ZBTB20: variants seen among roughly 807,000 people sequenced by gnomAD.
The protein encoded by ZBTB20 is zinc finger and BTB domain containing 20.
A neutral mutation model predicts 56.9 loss-of-function variants in ZBTB20; 9 were observed. That is an observed-to-expected ratio of 0.16 (90% confidence interval 0.10 to 0.28). The LOEUF (loss-of-function observed/expected upper bound fraction) is 0.28, where lower values mean the gene tolerates loss of function less well. ZBTB20 is among the 10% of genes least tolerant of loss of function. The pLI, the probability that ZBTB20 is intolerant of heterozygous loss-of-function variation, is 1.00. For synonymous variants in ZBTB20, 417 were observed against 420.7 expected, an observed-to-expected ratio of 0.99 and a Z score of 0.11; for missense variants, 655 against 1,003.0, an observed-to-expected ratio of 0.65 and a Z score of 4.69.
At chr3:114,438,682 G>A (rs761504195) in intron 7 of ZBTB20, among the ~76,000 whole-genome samples, 2 of 152,068 alleles carry the variant, frequency 1.3e-5, no homozygotes, top group African/African-American at 2.4e-5. Context: ...GGTATGCTAG[G>A]GAAAGATAAA....
intron 2 of ZBTB20, among the ~76,000 whole-genome samples, chr3:115,046,827 AAAAC>A (rs759783394): frequency 2.6e-5 from 4 of 152,180 alleles, no homozygotes; most frequent in South Asian, 2.1e-4. Context: ...ATAATTATTA[AAAAC>A]AAACAAACAA....
intron 7 of ZBTB20, among the ~76,000 whole-genome samples, chr3:114,483,729 A>C (rs1406332400): frequency 1.3e-5 from 2 of 152,204 alleles, no homozygotes; most frequent in Admixed American, 1.3e-4. Context: ...AGGAGTTGCT[A>C]CTTTCGAAGA....
At chr3:114,532,045 G>A (rs2047907067) in intron 6 of ZBTB20, among the ~76,000 whole-genome samples, 1 of 152,168 alleles carries the variant, frequency 6.6e-6, no homozygotes, top group Non-Finnish European at 1.5e-5. Context: ...TGGGTTTCAA[G>A]ACAAAACTGG....
rs551020223 is a variant in ZBTB20 at position 114,541,985 on chromosome 3, T to C, written c.-294-41594A>G. Among the ~76,000 whole-genome samples, 12 of 152,328 alleles carry C rather than the reference T, an allele frequency of 7.9e-5. No individual in the cohort carries two copies. The South Asian group carries it at 2.3e-3, about 29-fold the overall frequency. On this transcript the variant is annotated intron_variant, in intron 6 of 11. Coordinates refer to ENST00000675478, the MANE Select transcript of ZBTB20 (RefSeq NM_001348800.3). The stretch of plus-strand genomic sequence containing the variant: ...TAGATCAACTATTACTATTAAAGAA[T>C]GAGTAATCATAATTTAATGATCATC...
intron 10 of ZBTB20, among the ~76,000 whole-genome samples, chr3:114,358,477 C>T (rs1164757515): frequency 6.6e-6 from 1 of 152,138 alleles, no homozygotes; most frequent in East Asian, 1.9e-4. Flanking sequence ...ATTTACAGTA[C>T]TAGTGGGATT....
At chr3:114,508,252 C>T (rs954851230) in intron 6 of ZBTB20, among the ~76,000 whole-genome samples, 1 of 152,122 alleles carries the variant, frequency 6.6e-6, no homozygotes, top group Non-Finnish European at 1.5e-5. Context: ...AACAGACTCA[C>T]AGATAAGGTC....
At chr3:114,677,966 A>G (rs2061730380) in intron 6 of ZBTB20, among the ~76,000 whole-genome samples, 1 of 152,148 alleles carries the variant, frequency 6.6e-6, no homozygotes, top group South Asian at 2.1e-4. Flanking sequence ...TGTTTTAATT[A>G]TATTTACTCT....
At chr3:114,796,724 A>G (rs1275627293) in intron 5 of ZBTB20, among the ~76,000 whole-genome samples, 1 of 151,962 alleles carries the variant, frequency 6.6e-6, no homozygotes, top group African/African-American at 2.4e-5. Flanking sequence ...GGAGTTAGAG[A>G]AGCTAGGATA....
chr3:114,665,291 G>C (rs917725457), intron 6 of ZBTB20, among the ~76,000 whole-genome samples: 4 of 151,932 alleles, frequency 2.6e-5, no homozygotes, highest in Admixed American at 1.3e-4. Flanking sequence ...GTAACATACT[G>C]TACAGGTTTA....
At chr3:114,937,368 G>A (rs574963399) in intron 3 of ZBTB20, among the ~76,000 whole-genome samples, 53 of 152,074 alleles carry the variant, frequency 3.5e-4, no homozygotes, top group Non-Finnish European at 6.9e-4. Flanking sequence ...CTAATAACCA[G>A]TGATGACGAG....
At chr3:114,455,588 C>T (rs1458346448) in intron 7 of ZBTB20, among the ~76,000 whole-genome samples, 1 of 152,044 alleles carries the variant, frequency 6.6e-6, no homozygotes, top group Non-Finnish European at 1.5e-5. Flanking sequence ...CAGGTACAGT[C>T]AGATGCCGAA....
intron 6 of ZBTB20, among the ~76,000 whole-genome samples, chr3:114,619,151 T>C (rs1334458667): frequency 1.3e-5 from 2 of 152,204 alleles, no homozygotes; most frequent in African/African-American, 4.8e-5. Context: ...TTTGTACTAA[T>C]GGAGATGTTC....
intron 3 of ZBTB20, among the ~76,000 whole-genome samples, chr3:114,965,778 T>A (rs1419233211): frequency 6.6e-6 from 1 of 152,210 alleles, no homozygotes. Context: ...CATTTTTTCA[T>A]ATACCCATTA....
chr3:114,775,155 T>C (rs1478229816), intron 5 of ZBTB20, among the ~76,000 whole-genome samples: 1 of 152,146 alleles, frequency 6.6e-6, no homozygotes, highest in African/African-American at 2.4e-5. Flanking sequence ...GTAACTTTTT[T>C]TTTTTCCTCA....
chr3:114,951,024 G>A lies in ZBTB20; in HGVS notation c.-456+23342C>T, dbSNP rs72960323. Among the ~76,000 whole-genome samples the A allele has an allele frequency of 5.6e-3, 856 of 152,154 alleles. 12 individuals are homozygous for A. The highest frequency in any genetic ancestry group is 0.02 in the African/African-American group (829 of 41,536). ...GAAGTCATGATAGTGGTTATCCTGA[G>A]GAAGTAGAGACTGGAAAGATAGATA... On this transcript the variant is annotated intron_variant, in intron 3 of 11. Transcript: ENST00000675478.
At chr3:114,901,651 A>C (rs1040414674) in intron 3 of ZBTB20, among the ~76,000 whole-genome samples, 1 of 152,132 alleles carries the variant, frequency 6.6e-6, no homozygotes, top group Non-Finnish European at 1.5e-5. Flanking sequence ...AAAATAATTA[A>C]ATAAAGCATA....
chr3:115,116,309 A>G (rs1464249714), intron 1 of ZBTB20, among the ~76,000 whole-genome samples: 1 of 152,050 alleles, frequency 6.6e-6, no homozygotes, highest in Non-Finnish European at 1.5e-5. Flanking sequence ...AACTTCTTAG[A>G]TTTTTTAAAT....
chr3:114,666,953 T>A (rs1472339457), intron 6 of ZBTB20, among the ~76,000 whole-genome samples: 1 of 152,006 alleles, frequency 6.6e-6, no homozygotes, highest in Non-Finnish European at 1.5e-5. Flanking sequence ...AAGATTATTT[T>A]AAAAATAGAT....
intron 2 of ZBTB20, among the ~76,000 whole-genome samples, chr3:115,008,972 C>T (rs1482506423): frequency 6.6e-6 from 1 of 151,780 alleles, no homozygotes; most frequent in Non-Finnish European, 1.5e-5. Context: ...TTTGTAAAAC[C>T]TTGTCAATCT....
Sources: allele counts gnomAD v4.1 joint callset (sites outside exome capture counted in the v4.1 genomes callset), GRCh38; gene constraint gnomAD v4.1.1; transcripts MANE v1.5; gene names NCBI Gene and HGNC (gene_info 2026-07-23, HGNC 2026-07-21).